The following ENPP4 variants were observed in gnomAD, a reference collection of about 807,000 sequenced individuals.
ENPP4 encodes ectonucleotide pyrophosphatase/phosphodiesterase 4.
Under a neutral mutation model 33.4 loss-of-function variants are expected in ENPP4, and 18 were observed. The observed-to-expected ratio is 0.54, with a 90% CI of 0.37 to 0.80. The LOEUF (loss-of-function observed/expected upper bound fraction) is 0.80. ENPP4 is among the 30% of genes least tolerant of loss of function. The probability of loss-of-function intolerance (pLI) is 0.00; values close to 1 mark genes in which losing one functional copy is unlikely to be tolerated. For synonymous variants in ENPP4, 172 were observed against 189.9 expected, an observed-to-expected ratio of 0.91 and a Z score of 0.78; for missense variants, 480 against 541.7, an observed-to-expected ratio of 0.89 and a Z score of 1.13.
At chr6:46,136,304 A>G (rs1003788590) in intron 1 of ENPP4, among the ~76,000 whole-genome samples, 1 of 152,050 alleles carries the variant, frequency 6.6e-6, no homozygotes, top group African/African-American at 2.4e-5. Context: ...GCACATACAT[A>G]TACTTTTGTG....
In ENPP4 at chr6:46,130,016, A is replaced by T. The variant is rs1390817848; in HGVS notation, c.-207A>T. ...TCGGAGCGCCCCGAGCGGCGCAGAT[A>T]GGGACGTTGGGGCTGTGCCCCGCGG... On this transcript the variant is annotated 5_prime_UTR_variant, in exon 1 of 4. Coordinates refer to ENST00000321037, the MANE Select transcript of ENPP4 (RefSeq NM_014936.5). The T allele has an allele frequency of 6.6e-6, 1 of 152,232 alleles. No homozygotes were observed. The highest frequency in any genetic ancestry group is 1.5e-5 in the Non-Finnish European group (1 of 68,092). The allele number at this position is 152,232 out of a possible 1,614,324, so 9.4% of individuals were successfully genotyped here. A position where few individuals can be genotyped will look rare whatever the true frequency, so the allele number is the denominator to read the frequency against.
intron 1 of ENPP4, among the ~76,000 whole-genome samples, chr6:46,130,896 G>A (rs939095745): frequency 3.9e-5 from 6 of 152,172 alleles, no homozygotes; most frequent in South Asian, 2.1e-4. Context: ...GACTCCAGAA[G>A]GGCTTTGCTT....
In ENPP4 at chr6:46,144,998, AGGTT is replaced by A. The variant is rs772364892; in HGVS notation, c.*1360_*1363del. Reference sequence around the variant, plus strand: ...TAATCAAAATTAATATGAAGAAACTAGGTTGTGACAGACTAGATTATATTTAGTA... The same window carrying A: ...TAATCAAAATTAATATGAAGAAACTAGTGACAGACTAGATTATATTTAGTA... On this transcript the variant is annotated 3_prime_UTR_variant, in exon 4 of 4. Transcript: ENST00000321037. 2.4e-4 allele frequency: 96 copies of A among 396,140 alleles called. No homozygotes were observed. The highest frequency in any genetic ancestry group is 3.9e-4 in the Non-Finnish European group (87 of 224,288). The allele number at this position is 396,140 out of a possible 1,614,324, so 24.5% of individuals were successfully genotyped here.
rs114336832 is a variant in ENPP4 at position 46,140,530 on chromosome 6, G to A, written c.826+121G>A. The A allele has an allele frequency of 1.5e-3, 937 of 606,202 alleles. 8 individuals carry two copies. The African/African-American group carries it at 0.016, about 10-fold the overall frequency. The allele number at this position is 606,202 out of a possible 1,614,324, so 37.6% of individuals were successfully genotyped here. ...TAGTTTAGAACCATATACTCAGAGT[G>A]GGATTATATGTTTTTTTCCTCTTGT... On this transcript the variant is annotated intron_variant, in intron 2 of 3. Coordinates refer to ENST00000321037, the MANE Select transcript of ENPP4 (RefSeq NM_014936.5).
Position 46,145,047 on chromosome 6 carries a change from G to T in ENPP4, c.*1407G>T. The T allele has an allele frequency of 5.1e-6, 2 of 395,262 alleles. No homozygotes were observed. Among genetic ancestry groups the T allele is most frequent in the African/African-American group, 4.1e-5 (2 of 48,574 alleles). The allele number at this position is 395,262 out of a possible 1,614,324, so 24.5% of individuals were successfully genotyped here. The stretch of plus-strand genomic sequence containing the variant: ...TTAGTAGGGGAAAAATTGGGCTCAA[G>T]AACCATTCATCAGTACGTGAGACAA... On this transcript the variant is annotated 3_prime_UTR_variant, in exon 4 of 4. Coordinates refer to ENST00000321037, the MANE Select transcript of ENPP4 (RefSeq NM_014936.5).
intron 1 of ENPP4, among the ~76,000 whole-genome samples, chr6:46,134,954 A>AT (rs1272999227): frequency 2.0e-5 from 3 of 151,954 alleles, no homozygotes; most frequent in Admixed American, 6.6e-5. Context: ...ATAATAAGTG[A>AT]TTTTTTGTGA....
At chr6:46,142,228 A>C (rs1034394118) in intron 3 of ENPP4, among the ~76,000 whole-genome samples, 25 of 147,606 alleles carry the variant, frequency 1.7e-4, no homozygotes, top group Non-Finnish European at 3.2e-4. Context: ...ATAATCCCTC[A>C]GTATGGATTT....
rs1764119592 is a variant in ENPP4, at chr6:46,144,767, G to A, written c.*1127G>A. 5.2e-6 allele frequency: 2 copies of A among 384,218 alleles called. No individual in the cohort carries two copies. The highest frequency in any genetic ancestry group is 4.2e-5 in the African/African-American group (2 of 48,164). 23.8% of individuals were successfully genotyped at this position (384,218 alleles called of 1,614,324 possible). A position where few individuals can be genotyped will look rare whatever the true frequency, so the allele number is the denominator to read the frequency against. ...GCCTTACTTTTTAGGCTATAGAATAGTTAAGAAATTTTAAACAAAATTTAG... is the reference window on the plus strand; with the variant it reads ...GCCTTACTTTTTAGGCTATAGAATAATTAAGAAATTTTAAACAAAATTTAG... On this transcript the variant is annotated 3_prime_UTR_variant, in exon 4 of 4. Coordinates refer to ENST00000321037, the MANE Select transcript of ENPP4 (RefSeq NM_014936.5).
At chr6:46,137,274 T>G (rs1340747456) in intron 1 of ENPP4, among the ~76,000 whole-genome samples, 1 of 151,740 alleles carries the variant, frequency 6.6e-6, no homozygotes, top group Non-Finnish European at 1.5e-5. Flanking sequence ...AAATTAAGTT[T>G]ATGAGTATGT....
At chr6:46,130,342 T>C (rs1763874095) in intron 1 of ENPP4, among the ~76,000 whole-genome samples, 153 bp downstream of exon 1, 1 of 152,100 alleles carries the variant, frequency 6.6e-6, no homozygotes, top group African/African-American at 2.4e-5. Context: ...GGCGGGGACG[T>C]CCACGAAGGG....
intron 2 of ENPP4, 31 bp downstream of exon 2, chr6:46,140,440 TATTCGA>T: frequency 7.5e-7 from 1 of 1,336,518 alleles, no homozygotes; most frequent in African/African-American, 1.5e-5. Context: ...GGGATACTAT[TATTCGA>T]ATGGGGCAAT....
At chr6:46,143,155 A>G in intron 3 of ENPP4, 121 bp from the exon 4 acceptor site, 2 of 972,522 alleles carry the variant, frequency 2.1e-6, no homozygotes, top group Non-Finnish European at 1.5e-6. Context: ...TGAGTTGAAG[A>G]AATAGAAATT....
In ENPP4 at chr6:46,140,406, ATAAG is replaced by A. The variant is rs1562060479; in HGVS notation, c.826+5_826+8del. On this transcript the variant is annotated splice_donor_variant and coding_sequence_variant, in exon 2 of 4. Coordinates refer to ENST00000321037, the MANE Select transcript of ENPP4 (RefSeq NM_014936.5). LOFTEE classifies it high-confidence loss of function. ...CCCAGTTGCTGCAATACTTCCCAAA[ATAAG>A]TAAGTAAACATTCAACTGAGGGATA... 1 of 1,538,328 alleles carries A rather than the reference ATAAG, an allele frequency of 6.5e-7. No individual in the cohort carries two copies. The highest frequency in any genetic ancestry group is 2.2e-5 in the East Asian group (1 of 44,460).
chr6:46,140,224 T>A lies in ENPP4; in HGVS notation c.641T>A (p.Ile214Asn), dbSNP rs1368669828. 6.2e-7 allele frequency: 1 copy of A among 1,612,500 alleles called. No individual in the cohort carries two copies. The highest frequency in any genetic ancestry group is 8.5e-7 in the Non-Finnish European group (1 of 1,179,068). The change falls in exon 2 of 4, where the codon ATC (isoleucine) becomes AAC (asparagine). Residue 214 changes from isoleucine (I) to asparagine (N), a missense_variant. Ile to Asn is a moderately radical substitution (Grantham distance 149). Around this residue, in one of 3 missense-constraint regions of ENPP4, gnomAD observed 227 missense variants for 273.7 expected, o/e 0.83. Coordinates refer to ENST00000321037, the MANE Select transcript of ENPP4 (RefSeq NM_014936.5). ...GTGTTGAAAAAAATAGATGATCTTA[T>A]CGGTGACTTAGTCCAAAGACTCAAG... Reference protein sequence around the residue: ...SRVLKKIDDLIGDLVQRLKML... With the variant: ...SRVLKKIDDLNGDLVQRLKML...
chr6:46,138,691 C>T (rs560958731), intron 1 of ENPP4, among the ~76,000 whole-genome samples: 1 of 151,904 alleles, frequency 6.6e-6, no homozygotes, highest in African/African-American at 2.4e-5. Context: ...TTACCTCACT[C>T]ACATGTCCTA....
intron 1 of ENPP4, among the ~76,000 whole-genome samples, chr6:46,136,147 T>C (rs1213229045): frequency 2.6e-5 from 4 of 152,052 alleles, no homozygotes; most frequent in Non-Finnish European, 5.9e-5. Context: ...ATTCTGTTAT[T>C]TGGTGTTGTA....
chr6:46,134,723 C>T (rs937111216), intron 1 of ENPP4, among the ~76,000 whole-genome samples: 1 of 151,976 alleles, frequency 6.6e-6, no homozygotes, highest in African/African-American at 2.4e-5. Flanking sequence ...ATAAATCACA[C>T]ACCATTCAAT....
At chr6:46,133,365 C>T (rs1229066138) in intron 1 of ENPP4, among the ~76,000 whole-genome samples, 1 of 152,042 alleles carries the variant, frequency 6.6e-6, no homozygotes, top group African/African-American at 2.4e-5. Flanking sequence ...AGATAACTGC[C>T]TTATTTATAG....
chr6:46,143,536 A>G lies in ENPP4; in HGVS notation c.1258A>G (p.Met420Val), dbSNP rs1322716427. The change falls in exon 4 of 4, where the codon ATG (methionine) becomes GTG (valine). Residue 420 changes from methionine (M) to valine (V), a missense_variant. Transcript: ENST00000321037. ...IVIGSLLVLT[M>V]LTCLIIIMQN... Reference sequence around the variant, plus strand: ...TATCGGTTCACTCTTGGTGTTAACCATGCTAACATGCCTCATAATAATCAT... The same window carrying G: ...TATCGGTTCACTCTTGGTGTTAACCGTGCTAACATGCCTCATAATAATCAT... 3 of 1,612,614 alleles carry G rather than the reference A, an allele frequency of 1.9e-6. No individual in the cohort carries two copies. The highest frequency in any genetic ancestry group is 1.3e-5 in the African/African-American group (1 of 74,828).
Sources: allele counts gnomAD v4.1 joint callset (sites outside exome capture counted in the v4.1 genomes callset), GRCh38; gene constraint gnomAD v4.1.1; regional missense constraint gnomAD v4.1.1; transcripts MANE v1.5; gene names NCBI Gene and HGNC (gene_info 2026-07-23, HGNC 2026-07-21).